The following FNDC1 variants were observed in gnomAD, a reference collection of about 807,000 sequenced individuals.
FNDC1 encodes the protein fibronectin type III domain containing 1.
Under a neutral mutation model 168.0 loss-of-function variants are expected in FNDC1, and 96 were observed. The observed-to-expected ratio is 0.57, with a 90% CI of 0.48 to 0.68. FNDC1 has a LOEUF of 0.68. Among genes scored for constraint, FNDC1 ranks in the 30% least tolerant of loss-of-function variants. The pLI is 0.00. For missense variants in FNDC1, 2,587 were observed against 2,482.1 expected (o/e 1.04, Z -0.90); for synonymous variants, 1,099 against 1,025.9 (o/e 1.07, Z -1.36).
Position 159,229,991 on chromosome 6 carries a change from G to T in FNDC1, c.1357G>T (p.Ala453Ser). 1 of 1,613,196 alleles carries T rather than the reference G, an allele frequency of 6.2e-7. No individual in the cohort carries two copies. The highest frequency in any genetic ancestry group is 8.5e-7 in the Non-Finnish European group (1 of 1,179,536). Residue 453 changes from alanine (A) to serine (S), a missense_variant, in exon 10 of 23, where the codon GCT becomes TCT. Coordinates refer to ENST00000297267, the MANE Select transcript of FNDC1 (RefSeq NM_032532.3). ...LGPHSKAFIV[A>S]MPTTSKADVE... The stretch of plus-strand genomic sequence containing the variant: ...ACCTCACTCCAAAGCCTTCATTGTC[G>T]CTATGCCAACAAGTAAGCATTATGT...
At chr6:159,234,797 C>G (rs1386178987) in intron 11 of FNDC1, among the ~76,000 whole-genome samples, 2 of 152,250 alleles carry the variant, frequency 1.3e-5, no homozygotes, top group African/African-American at 4.8e-5. Context: ...ATTCCACAGT[C>G]TTTTCACTGT....
rs1280017353 is a variant in FNDC1, at chr6:159,232,226, C to A, written c.1714C>A (p.His572Asn). 15 of 1,612,672 alleles carry A rather than the reference C, an allele frequency of 9.3e-6. No homozygotes were observed. The highest frequency in any genetic ancestry group is 1.2e-5 in the Non-Finnish European group (14 of 1,179,416). Residue 572 changes from histidine to asparagine, a missense_variant, in exon 11 of 23, where the codon CAC becomes AAC. By Grantham distance (68) the His-to-Asn change is moderately conservative. Coordinates refer to ENST00000297267, the MANE Select transcript of FNDC1 (RefSeq NM_032532.3). The surrounding 1 kb of genome is among the most constrained non-coding windows in gnomAD (Gnocchi z 4.9). Reference sequence around the variant, plus strand: ...ACGGACCCTGAGGCCGCCAAGTAGACACGGCCACTCGGTGGTTGCTCCCGG... The same window carrying A: ...ACGGACCCTGAGGCCGCCAAGTAGAAACGGCCACTCGGTGGTTGCTCCCGG... ...QKRTLRPPSR[H>N]GHSVVAPGRT... is the part of the protein sequence containing the mutation.
At chr6:159,198,716 A>C (rs551243703) in intron 2 of FNDC1, among the ~76,000 whole-genome samples, 1 of 152,248 alleles carries the variant, frequency 6.6e-6, no homozygotes, top group Non-Finnish European at 1.5e-5. Flanking sequence ...TCACTAAAAA[A>C]CAAATAGTAT....
chr6:159,228,878 G>A (rs917753737), intron 9 of FNDC1, among the ~76,000 whole-genome samples: 1 of 152,084 alleles, frequency 6.6e-6, no homozygotes, highest in Non-Finnish European at 1.5e-5. Flanking sequence ...GTTTCACCCT[G>A]CTGGCCAGGG....
At chr6:159,170,446 C>G (rs972781829) in intron 1 of FNDC1, among the ~76,000 whole-genome samples, 11 of 152,222 alleles carry the variant, frequency 7.2e-5, no homozygotes, top group Admixed American at 2.0e-4. Flanking sequence ...GCGCTCCTGT[C>G]AGATTTCTTG....
At position 159,225,761 on chromosome 6, in the gene FNDC1, A is replaced by T. The variant is rs552825303; in HGVS notation, c.1072+39A>T. The T allele has an allele frequency of 3.6e-5, 54 of 1,503,284 alleles. No individual in the cohort carries two copies. In the Middle Eastern group the frequency reaches 5.2e-4, roughly 15 times the overall value. 93.1% of individuals were successfully genotyped at this position (1,503,284 alleles called of 1,614,324 possible). A position where few individuals can be genotyped will look rare whatever the true frequency, so the allele number is the denominator to read the frequency against. ...ATGGCCTTTGAATTTTCAATTTGGG[A>T]ATTACACCCAAAATAAGATTTAAAG... On this transcript the variant is annotated intron_variant, in intron 8 of 22. Coordinates refer to ENST00000297267, the MANE Select transcript of FNDC1 (RefSeq NM_032532.3).
chr6:159,170,793 T>C (rs1781637891), intron 1 of FNDC1, among the ~76,000 whole-genome samples: 1 of 152,206 alleles, frequency 6.6e-6, no homozygotes, highest in Admixed American at 6.5e-5. Context: ...AATGCCACTT[T>C]CTCATAAAAG....
intron 5 of FNDC1, among the ~76,000 whole-genome samples, chr6:159,216,110 T>G (rs1782704535): frequency 6.6e-6 from 1 of 152,090 alleles, no homozygotes; most frequent in Middle Eastern, 3.2e-3. Context: ...TACAGGCACG[T>G]GCCACCACAC....
At chr6:159,228,496 A>G (rs1345373619) in intron 9 of FNDC1, among the ~76,000 whole-genome samples, 1 of 152,136 alleles carries the variant, frequency 6.6e-6, no homozygotes, top group Non-Finnish European at 1.5e-5. Flanking sequence ...ATGAGAAATG[A>G]ATGCTGTTTT....
intron 4 of FNDC1, among the ~76,000 whole-genome samples, chr6:159,213,807 A>C (rs1782656373): frequency 6.6e-6 from 1 of 152,186 alleles, no homozygotes; most frequent in African/African-American, 2.4e-5. Context: ...TGGGGTGCCC[A>C]GTGACTGGTT....
At chr6:159,196,269 A>G (rs1782238462) in intron 1 of FNDC1, among the ~76,000 whole-genome samples, 2 of 152,214 alleles carry the variant, frequency 1.3e-5, no homozygotes. Flanking sequence ...TCTCCAGAAT[A>G]GACATTCTTT....
chr6:159,252,944 C>T (rs1777299802), intron 17 of FNDC1, among the ~76,000 whole-genome samples: 1 of 152,188 alleles, frequency 6.6e-6, no homozygotes, highest in Non-Finnish European at 1.5e-5. Flanking sequence ...AGGGTTCTTG[C>T]AGTGAAGAAG....
chr6:159,260,669 A>G (rs1223388191), intron 18 of FNDC1, among the ~76,000 whole-genome samples: 3 of 152,210 alleles, frequency 2.0e-5, no homozygotes, highest in African/African-American at 7.2e-5. Context: ...TCTCCCTGTC[A>G]ACCATAAGTT....
rs79659266 is a variant in FNDC1 at position 159,225,877 on chromosome 6, C to T, written c.1072+155C>T. Among the ~76,000 whole-genome samples, 317 of 152,334 alleles carry T rather than the reference C, an allele frequency of 2.1e-3. 5 individuals are homozygous for T. The East Asian group carries it at 0.028, about 14-fold the overall frequency. Reference sequence around the variant, plus strand: ...AATTTTGGTAGAGTTTCTATGCGTACATGCAAAGAAGTTAAGGAACTGTTT... The same window carrying T: ...AATTTTGGTAGAGTTTCTATGCGTATATGCAAAGAAGTTAAGGAACTGTTT... On this transcript the variant is annotated intron_variant, in intron 8 of 22. Transcript: ENST00000297267.
chr6:159,227,290 T>C (rs1336871096), intron 9 of FNDC1, among the ~76,000 whole-genome samples: 1 of 152,230 alleles, frequency 6.6e-6, no homozygotes, highest in South Asian at 2.1e-4. Flanking sequence ...GCACTGCCTA[T>C]GCAAATGTAC....
chr6:159,184,450 A>G (rs1285486395), intron 1 of FNDC1, among the ~76,000 whole-genome samples: 1 of 152,200 alleles, frequency 6.6e-6, no homozygotes, highest in African/African-American at 2.4e-5. Context: ...ATGCCCATTC[A>G]TAATCATTAA....
intron 1 of FNDC1, among the ~76,000 whole-genome samples, chr6:159,183,234 C>G (rs535974536): frequency 8.5e-5 from 13 of 152,282 alleles, no homozygotes; most frequent in Middle Eastern, 6.8e-3. Context: ...TATTTGCTTT[C>G]TTTGAGGGCC....
chr6:159,239,539 G>A lies in FNDC1; in HGVS notation c.4203G>A (p.Val1401=). Reference sequence around the variant, plus strand: ...CAGATCTGGAAGGGACCCCCGTGGTGAGTCCTGACGGCCTCCCACTCTTTG... The same window carrying A: ...CAGATCTGGAAGGGACCCCCGTGGTAAGTCCTGACGGCCTCCCACTCTTTG... ...TIVDLEGTPV[V]SPDGLPLFGQ... Residue 1401 remains valine, a synonymous_variant, in exon 14 of 23, where the codon GTG becomes GTA. Transcript: ENST00000297267. The A allele has an allele frequency of 6.2e-7, 1 of 1,601,630 alleles. No individual in the cohort carries two copies. The highest frequency in any genetic ancestry group is 8.5e-7 in the Non-Finnish European group (1 of 1,172,556).
In FNDC1 at chr6:159,251,337, GC is replaced by G; in HGVS notation, c.4874del (p.Pro1625ArgfsTer4). 6.2e-7 allele frequency: 1 copy of G among 1,613,938 alleles called. No homozygotes were observed. Among genetic ancestry groups the G allele is most frequent in the Non-Finnish European group, 8.5e-7 (1 of 1,179,866 alleles). ...GACGTACCTAAATAAAGACCCATCA[GC>G]CCCGTGCTCTCTGACTGATGCACTG... is the stretch of plus-strand genomic sequence containing the variant. ...YVTYLNKDPS[A>X]PCSLTDALDH... On this transcript the variant is annotated frameshift_variant, in exon 17 of 23. Coordinates refer to ENST00000297267, the MANE Select transcript of FNDC1 (RefSeq NM_032532.3). LOFTEE classifies it high-confidence loss of function.
Sources: gnomAD v4.1 joint callset for allele counts (sites outside exome capture counted in the v4.1 genomes callset) on GRCh38, gnomAD v4.1.1 for gene constraint, Gnocchi (gnomAD v3.1) non-coding constraint, MANE v1.5 for transcripts, NCBI Gene and HGNC (gene_info 2026-07-23, HGNC 2026-07-21) for gene names.